DGKB: variants seen among roughly 807,000 people sequenced by gnomAD.
The protein encoded by DGKB is 90 kDa diacylglycerol kinase.
In DGKB, 67 loss-of-function variants were observed where a neutral mutation model predicts 114.3. That is an observed-to-expected ratio of 0.59 (90% CI 0.48 to 0.72). DGKB has a LOEUF of 0.72. DGKB is among the 30% of genes least tolerant of loss of function. DGKB has a pLI of 0.00. For synonymous variants in DGKB, 398 were observed against 323.1 expected, an observed-to-expected ratio of 1.23 and a Z score of -2.49; for missense variants, 907 against 975.2, an observed-to-expected ratio of 0.93 and a Z score of 0.93.
rs558972288 is a variant in DGKB at position 14,584,642 on chromosome 7, T to A, written c.1434-1505A>T. 3.3e-5 allele frequency among the ~76,000 whole-genome samples: 5 copies of A among 152,156 alleles called. No individual in the cohort carries two copies. In the East Asian group the frequency reaches 5.8e-4, roughly 18 times the overall value. On this transcript the variant is annotated intron_variant, in intron 17 of 25. Coordinates refer to ENST00000402815, the MANE Select transcript of DGKB (RefSeq NM_001350709.2). ...AAGATGTGCCTTTCTTTCTATTGAATTGCCTTTTTATTTTTTATTTTTATT... is the reference window on the plus strand; with the variant it reads ...AAGATGTGCCTTTCTTTCTATTGAAATGCCTTTTTATTTTTTATTTTTATT...
intron 22 of DGKB, among the ~76,000 whole-genome samples, chr7:14,344,260 CCA>C (rs943042012): frequency 8.6e-5 from 13 of 151,362 alleles, no homozygotes; most frequent in African/African-American, 3.1e-4. Flanking sequence ...CATTCCATGA[CCA>C]TCAATTCTAA....
In DGKB at chr7:14,757,702, C is replaced by T. The variant is rs752933816; in HGVS notation, c.100G>A (p.Glu34Lys). Residue 34 changes from glutamate (E) to lysine (K), a missense_variant, in exon 3 of 26, where the codon GAA (glutamate) becomes AAA (lysine). Physicochemically the swap from Glu to Lys is moderately conservative, Grantham distance 56. This residue lies in a region of DGKB where 814 missense variants were observed against 856.6 expected (regional missense o/e 0.95). Transcript: ENST00000402815. ...YSTKKLKDVL[E>K]EFHGNGVLAK... is the part of the protein sequence containing the mutation. ...AGCACACCATTACCATGGAATTCTT[C>T]AAGAACATCCTTTAATTTCTTTGTA... The T allele has an allele frequency of 6.2e-7, 1 of 1,604,878 alleles. No homozygotes were observed. Among genetic ancestry groups the T allele is most frequent in the Non-Finnish European group, 8.5e-7 (1 of 1,173,382 alleles).
chr7:14,688,425 T>C (rs1034346471), intron 9 of DGKB, among the ~76,000 whole-genome samples: 3 of 152,182 alleles, frequency 2.0e-5, no homozygotes, highest in Non-Finnish European at 4.4e-5. Context: ...GGTTTCATTA[T>C]ACAACACCTG....
chr7:14,233,472 G>A (rs1482298935), intron 23 of DGKB, among the ~76,000 whole-genome samples: 1 of 152,062 alleles, frequency 6.6e-6, no homozygotes, highest in African/African-American at 2.4e-5. Flanking sequence ...CAAGCGTAAA[G>A]TGGGTGTGAT....
intron 1 of DGKB, among the ~76,000 whole-genome samples, chr7:14,955,605 C>T (rs1284082624): frequency 2.0e-5 from 3 of 151,982 alleles, no homozygotes; most frequent in Admixed American, 6.6e-5. Flanking sequence ...AAGCCTAAAG[C>T]TCCCTGCCCA....
intron 21 of DGKB, among the ~76,000 whole-genome samples, chr7:14,397,133 A>G (rs1822340158): frequency 6.6e-6 from 1 of 152,144 alleles, no homozygotes; most frequent in Non-Finnish European, 1.5e-5. Flanking sequence ...AATTTTACAT[A>G]GGTAGACAGG....
In DGKB at chr7:14,146,183, A is replaced by G. The variant is rs1361901445; in HGVS notation, c.*2948T>C. The G allele has an allele frequency of 4.6e-5, 7 of 152,228 alleles. No homozygotes were observed. Among genetic ancestry groups the G allele is most frequent in the African/African-American group, 1.7e-4 (7 of 41,464 alleles). 9.4% of individuals were successfully genotyped at this position (152,228 alleles called of 1,614,324 possible). On this transcript the variant is annotated 3_prime_UTR_variant, in exon 26 of 26. Transcript: ENST00000402815. The stretch of plus-strand genomic sequence containing the variant: ...TCACATGAAATACATGGTGTACACA[A>G]GGAAGTGGAAAAAATAAATTTACGT...
chr7:14,453,772 A>G (rs1022166036), intron 21 of DGKB, among the ~76,000 whole-genome samples: 1 of 152,148 alleles, frequency 6.6e-6, no homozygotes, highest in Non-Finnish European at 1.5e-5. Context: ...CTGCCCTTGT[A>G]GTTCAAATGC....
chr7:14,228,552 A>G (rs1791198852), intron 23 of DGKB, among the ~76,000 whole-genome samples: 1 of 151,870 alleles, frequency 6.6e-6, no homozygotes, highest in East Asian at 1.9e-4. Context: ...CCGCACACAC[A>G]CTCACACACA....
At chr7:14,723,035 C>A (rs1389844950) in intron 5 of DGKB, among the ~76,000 whole-genome samples, 2 of 128,722 alleles carry the variant, frequency 1.6e-5, no homozygotes, top group Non-Finnish European at 3.1e-5. Flanking sequence ...ATTTTTTTTT[C>A]TTTTGCCCTT....
At chr7:14,500,671 T>C (rs1786022564) in intron 20 of DGKB, among the ~76,000 whole-genome samples, 1 of 151,766 alleles carries the variant, frequency 6.6e-6, no homozygotes, top group South Asian at 2.1e-4. Flanking sequence ...CTCGTGGTGT[T>C]TTAAGCATGG....
intron 17 of DGKB, among the ~76,000 whole-genome samples, chr7:14,599,316 T>A (rs1803132945): frequency 2.0e-5 from 3 of 152,180 alleles, no homozygotes; most frequent in Admixed American, 2.0e-4. Flanking sequence ...ATGGTCACAA[T>A]AATCCTAAAA....
intron 9 of DGKB, among the ~76,000 whole-genome samples, chr7:14,693,496 G>A (rs1226039105): frequency 1.3e-5 from 2 of 151,522 alleles, no homozygotes; most frequent in Admixed American, 6.6e-5. Flanking sequence ...TTTGACAGGC[G>A]ATAGAATAAG....
At position 14,168,861 on chromosome 7, in the gene DGKB, T is replaced by C. The variant is rs564443150; in HGVS notation, c.2304+7978A>G. Among the ~76,000 whole-genome samples the C allele has an allele frequency of 5.3e-5, 8 of 152,360 alleles. No individual in the cohort carries two copies. In the East Asian group the frequency reaches 1.3e-3, roughly 26 times the overall value. On this transcript the variant is annotated intron_variant, in intron 25 of 25. Coordinates refer to ENST00000402815, the MANE Select transcript of DGKB (RefSeq NM_001350709.2). ...AAAGGCTTCATGAGGAAATTGCTTC[T>C]AAGCTTGGCATTGAAGGAAGAGATT...
chr7:14,319,540 T>C (rs1316287038), intron 23 of DGKB, among the ~76,000 whole-genome samples: 2 of 152,196 alleles, frequency 1.3e-5, no homozygotes, highest in Non-Finnish European at 2.9e-5. Context: ...TAACAATAGA[T>C]GTACCTCACA....
chr7:14,708,979 C>G (rs1353765844), intron 6 of DGKB, among the ~76,000 whole-genome samples: 9 of 150,718 alleles, frequency 6.0e-5, no homozygotes, highest in South Asian at 4.2e-4. Flanking sequence ...TCTAATTAAA[C>G]TAAAGAGCTT....
At chr7:14,624,843 C>T (rs879446656) in intron 14 of DGKB, among the ~76,000 whole-genome samples, 4 of 151,796 alleles carry the variant, frequency 2.6e-5, no homozygotes, top group African/African-American at 9.7e-5. Context: ...ACTAAAAACG[C>T]AAAAATATAG....
chr7:14,250,629 G>C (rs1043352812), intron 23 of DGKB, among the ~76,000 whole-genome samples: 2 of 152,082 alleles, frequency 1.3e-5, no homozygotes, highest in Non-Finnish European at 2.9e-5. Context: ...GTGTTGGATG[G>C]AATGTTCTTT....
chr7:14,291,104 T>C (rs1801694395), intron 23 of DGKB, among the ~76,000 whole-genome samples: 2 of 132,656 alleles, frequency 1.5e-5, no homozygotes, highest in Admixed American at 9.0e-5. Flanking sequence ...GTCATGCTAC[T>C]GCACTCCAGC....
Sources: gnomAD v4.1 joint callset for allele counts (sites outside exome capture counted in the v4.1 genomes callset) on GRCh38, gnomAD v4.1.1 for gene constraint, gnomAD v4.1.1 regional missense constraint, MANE v1.5 for transcripts, NCBI Gene and HGNC (gene_info 2026-07-23, HGNC 2026-07-21) for gene names.